Variants in CTNNA2 observed in about 807,000 individuals in gnomAD.
The protein encoded by CTNNA2 is catenin alpha-2.
A neutral mutation model predicts 101.0 loss-of-function variants in CTNNA2; 42 were observed. That is an observed-to-expected ratio of 0.42 (90% CI 0.32 to 0.54). The LOEUF (loss-of-function observed/expected upper bound fraction) is 0.54, where lower values mean the gene tolerates loss of function less well. CTNNA2 is among the 20% of genes least tolerant of loss of function. CTNNA2 has a pLI of 0.14. For missense variants in CTNNA2, 871 were observed against 1,223.1 expected (o/e 0.71, Z 4.29); for synonymous variants, 450 against 456.4 (o/e 0.99, Z 0.18).
chr2:79,953,108 CCTT>C (rs985547043), intron 7 of CTNNA2, among the ~76,000 whole-genome samples: 12 of 152,214 alleles, frequency 7.9e-5, no homozygotes, highest in African/African-American at 2.9e-4. Flanking sequence ...GCATGTGGGT[CCTT>C]CTGCTGACGT....
chr2:79,444,084 A>G (rs2104521035), intron 4 of CTNNA2, among the ~76,000 whole-genome samples: 1 of 152,134 alleles, frequency 6.6e-6, no homozygotes, highest in South Asian at 2.1e-4. Flanking sequence ...TTGGAAGCTG[A>G]TATCTCTACA....
At position 80,309,820 on chromosome 2, in the gene CTNNA2, A is replaced by G. The variant is rs187319081; in HGVS notation, c.1057-83391A>G. ...AGTGATTATCCTGCCTCAGCCTCCC[A>G]AGTAGCTGGGATTACAGGCGCCCGC... On this transcript the variant is annotated intron_variant, in intron 7 of 18. Transcript: ENST00000402739. Among the ~76,000 whole-genome samples, 2 of 151,602 alleles carry G rather than the reference A, an allele frequency of 1.3e-5. 1 individual carries two copies. The highest frequency in any genetic ancestry group is 3.9e-4 in the East Asian group (2 of 5,140).
intron 7 of CTNNA2, chr2:80,305,158 TG>T: frequency 2.0e-6 from 2 of 985,410 alleles, no homozygotes; most frequent in Non-Finnish European, 2.4e-6. Context: ...GGCAATGATT[TG>T]GGGCTTGGCT....
chr2:79,322,119 T>C (rs1676638703), intron 3 of CTNNA2, among the ~76,000 whole-genome samples: 1 of 152,230 alleles, frequency 6.6e-6, no homozygotes, highest in Non-Finnish European at 1.5e-5. Context: ...AGCTGTTTTA[T>C]AGGCAAGAGC....
intron 7 of CTNNA2, among the ~76,000 whole-genome samples, chr2:80,065,824 AC>A (rs1161286567): frequency 6.6e-6 from 1 of 152,224 alleles, no homozygotes; most frequent in African/African-American, 2.4e-5. Flanking sequence ...TTGCTAGCAT[AC>A]CATAGCTCTC....
intron 4 of CTNNA2, among the ~76,000 whole-genome samples, chr2:79,424,076 C>G (rs1044015533): frequency 6.6e-6 from 1 of 152,036 alleles, no homozygotes; most frequent in African/African-American, 2.4e-5. Context: ...AAAGATTGTA[C>G]TCCAGGAGGT....
chr2:79,389,481 C>A (rs955722860), intron 4 of CTNNA2, among the ~76,000 whole-genome samples: 1 of 152,184 alleles, frequency 6.6e-6, no homozygotes, highest in Non-Finnish European at 1.5e-5. Context: ...AAGACTTTTG[C>A]ACATTTTATA....
At chr2:79,704,191 TG>T (rs1685194367) in intron 2 of CTNNA2, among the ~76,000 whole-genome samples, 1 of 152,210 alleles carries the variant, frequency 6.6e-6, no homozygotes, top group Non-Finnish European at 1.5e-5. Context: ...AATTTGGGGA[TG>T]TGAAACCTTC....
At chr2:80,613,209 T>G (rs1318446262) in intron 17 of CTNNA2, among the ~76,000 whole-genome samples, 1 of 151,536 alleles carries the variant, frequency 6.6e-6, no homozygotes, top group Non-Finnish European at 1.5e-5. Context: ...CTATAACCAT[T>G]TAAATTCTGA....
chr2:80,620,145 A>C (rs967079519), intron 18 of CTNNA2, among the ~76,000 whole-genome samples: 2 of 151,794 alleles, frequency 1.3e-5, no homozygotes, highest in Non-Finnish European at 2.9e-5. Flanking sequence ...TGTTCTTAGA[A>C]GGGTTTGACC....
intron 4 of CTNNA2, among the ~76,000 whole-genome samples, chr2:79,379,174 A>G (rs371912733): frequency 6.6e-6 from 1 of 152,238 alleles, no homozygotes; most frequent in African/African-American, 2.4e-5. Context: ...GTAACTGCAC[A>G]TGAATATATT....
At chr2:79,241,409 A>G (rs1674623870) in intron 2 of CTNNA2, among the ~76,000 whole-genome samples, 1 of 152,234 alleles carries the variant, frequency 6.6e-6, no homozygotes, top group Non-Finnish European at 1.5e-5. Context: ...TTAATTCACT[A>G]GGCAGAATGC....
At chr2:79,420,236 C>T (rs1419755645) in intron 4 of CTNNA2, among the ~76,000 whole-genome samples, 1 of 152,082 alleles carries the variant, frequency 6.6e-6, no homozygotes, top group Non-Finnish European at 1.5e-5. Context: ...TACTAATTGC[C>T]CTGCTTCTGT....
chr2:80,080,828 A>C (rs1398612427), intron 7 of CTNNA2, among the ~76,000 whole-genome samples: 2 of 151,844 alleles, frequency 1.3e-5, no homozygotes, highest in African/African-American at 4.8e-5. Flanking sequence ...TTTAAAGTCT[A>C]GTCTCTAGTA....
At chr2:79,307,565 T>C (rs1256601394) in intron 2 of CTNNA2, among the ~76,000 whole-genome samples, 1 of 152,218 alleles carries the variant, frequency 6.6e-6, no homozygotes, top group Non-Finnish European at 1.5e-5. Context: ...TTATTCTTTT[T>C]ATGGCTGAAT....
At chr2:79,529,843 C>T (rs768044527) in intron 1 of CTNNA2, among the ~76,000 whole-genome samples, 5 of 151,646 alleles carry the variant, frequency 3.3e-5, no homozygotes, top group African/African-American at 9.7e-5. Context: ...TGGGTTATGA[C>T]GTCAACAAGA....
intron 7 of CTNNA2, among the ~76,000 whole-genome samples, chr2:80,219,046 T>G (rs1054788171): frequency 6.6e-6 from 1 of 152,102 alleles, no homozygotes; most frequent in Non-Finnish European, 1.5e-5. Context: ...TCGTGGCAAT[T>G]ATTAGTGGAA....
chr2:80,625,552 C>T (rs752218408), intron 18 of CTNNA2, among the ~76,000 whole-genome samples: 1 of 152,044 alleles, frequency 6.6e-6, no homozygotes, highest in Non-Finnish European at 1.5e-5. Flanking sequence ...TTGTATGACA[C>T]TTAAATGTCA....
At chr2:79,629,613 A>G (rs1445207281) in intron 1 of CTNNA2, among the ~76,000 whole-genome samples, 1 of 152,026 alleles carries the variant, frequency 6.6e-6, no homozygotes, top group Admixed American at 6.6e-5. Flanking sequence ...TTCAGACACA[A>G]GGATGCTGAG....
Sources: gnomAD v4.1 joint callset for allele counts (sites outside exome capture counted in the v4.1 genomes callset) on GRCh38, gnomAD v4.1.1 for gene constraint, MANE v1.5 for transcripts, NCBI Gene and HGNC (gene_info 2026-07-23, HGNC 2026-07-21) for gene names.